UBE2R2: variants seen among roughly 807,000 people sequenced by gnomAD.
UBE2R2 encodes the protein ubiquitin-conjugating enzyme E2 R2.
A neutral mutation model predicts 27.8 loss-of-function variants in UBE2R2; 1 was observed. The observed-to-expected ratio is 0.04, with a 90% CI of 0.01 to 0.17. The LOEUF is 0.17. Among genes scored for constraint, UBE2R2 ranks in the 10% least tolerant of loss-of-function variants. UBE2R2 has a pLI of 1.00. For missense variants in UBE2R2, 100 were observed against 291.0 expected, an observed-to-expected ratio of 0.34 and a Z score of 4.78; for synonymous variants, 106 against 113.3, an observed-to-expected ratio of 0.94 and a Z score of 0.41.
In UBE2R2 at chr9:33,844,911, C is replaced by T. The variant is rs537530712; in HGVS notation, c.177+26977C>T. ...CCTCCGGAGTAGCTGGGATTACAGG[C>T]GTGTGCCACCACGCCTGGATAATTT... On this transcript the variant is annotated intron_variant, in intron 1 of 4. Coordinates refer to ENST00000263228, the MANE Select transcript of UBE2R2 (RefSeq NM_017811.4). Among the ~76,000 whole-genome samples the T allele has an allele frequency of 2.0e-5, 3 of 151,818 alleles. No individual in the cohort carries two copies. The South Asian group carries it at 6.3e-4, about 32-fold the overall frequency.
At chr9:33,845,499 C>T (rs576797377) in intron 1 of UBE2R2, among the ~76,000 whole-genome samples, 1 of 152,002 alleles carries the variant, frequency 6.6e-6, no homozygotes, top group Admixed American at 6.6e-5. Context: ...CTGCCCACCT[C>T]GGCCTCCCAA....
chr9:33,843,247 C>T lies in UBE2R2; in HGVS notation c.177+25313C>T, dbSNP rs573862089. Among the ~76,000 whole-genome samples the T allele has an allele frequency of 5.9e-5, 9 of 151,570 alleles. No homozygotes were observed. In the East Asian group the frequency reaches 1.5e-3, roughly 26 times the overall value. On this transcript the variant is annotated intron_variant, in intron 1 of 4. Coordinates refer to ENST00000263228, the MANE Select transcript of UBE2R2 (RefSeq NM_017811.4). ...TATTTTTAGTAGAGATGGGGTTTCA[C>T]CATGTTGGCCAGGCTGGTCTCGAAC... is the stretch of plus-strand genomic sequence containing the variant.
intron 1 of UBE2R2, among the ~76,000 whole-genome samples, chr9:33,871,000 T>A (rs1474572428): frequency 1.3e-5 from 2 of 152,238 alleles, no homozygotes; most frequent in Non-Finnish European, 2.9e-5. Flanking sequence ...TGCTCACATG[T>A]GTAAGCCTTT....
chr9:33,839,081 CAAAAA>C (rs71943200), intron 1 of UBE2R2, among the ~76,000 whole-genome samples: 1 of 128,278 alleles, frequency 7.8e-6, no homozygotes, highest in Admixed American at 8.2e-5. Flanking sequence ...GGCACTGTCT[CAAAAA>C]AAAAAAAAAA....
intron 1 of UBE2R2, among the ~76,000 whole-genome samples, chr9:33,867,104 A>C (rs1405752633): frequency 6.6e-6 from 1 of 152,088 alleles, no homozygotes; most frequent in African/African-American, 2.4e-5. Flanking sequence ...TCACCATTTC[A>C]GTCTCAATCT....
chr9:33,826,446 C>T (rs1162391829), intron 1 of UBE2R2, among the ~76,000 whole-genome samples: 1 of 152,050 alleles, frequency 6.6e-6, no homozygotes, highest in Non-Finnish European at 1.5e-5. Context: ...CGCCTGTAAC[C>T]CCAGCACTTT....
At chr9:33,834,446 A>G (rs13287697) in intron 1 of UBE2R2, among the ~76,000 whole-genome samples, 2 of 151,708 alleles carry the variant, frequency 1.3e-5, no homozygotes, top group Non-Finnish European at 1.5e-5. Context: ...TCCTGACCTT[A>G]GGTGATCTGC....
At chr9:33,872,213 G>T (rs994845063) in intron 1 of UBE2R2, among the ~76,000 whole-genome samples, 1 of 151,330 alleles carries the variant, frequency 6.6e-6, no homozygotes, top group Admixed American at 6.6e-5. Context: ...GGGGAACATG[G>T]GGAACTATCT....
At chr9:33,909,501 A>G (rs1822439752) in intron 3 of UBE2R2, among the ~76,000 whole-genome samples, 1 of 152,188 alleles carries the variant, frequency 6.6e-6, no homozygotes, top group South Asian at 2.1e-4. Context: ...ATCAATAAAT[A>G]AAAATTTAAA....
intron 1 of UBE2R2, among the ~76,000 whole-genome samples, chr9:33,856,197 T>TC (rs552942118): frequency 1.0e-3 from 155 of 152,294 alleles, no homozygotes; most frequent in African/African-American, 3.6e-3. Context: ...ATGCTTTTTT[T>TC]CACCCTTCCC....
intron 1 of UBE2R2, among the ~76,000 whole-genome samples, chr9:33,847,122 G>T (rs1367992751): frequency 1.3e-5 from 2 of 150,938 alleles, no homozygotes; most frequent in Admixed American, 6.7e-5. Context: ...ATTTGAGACA[G>T]AGTATCACTC....
intron 1 of UBE2R2, among the ~76,000 whole-genome samples, chr9:33,852,901 G>C (rs924310379): frequency 6.6e-6 from 1 of 152,082 alleles, no homozygotes; most frequent in African/African-American, 2.4e-5. Flanking sequence ...CCAGCTACTT[G>C]GGTGACTGAG....
intron 1 of UBE2R2, among the ~76,000 whole-genome samples, chr9:33,831,662 T>G (rs1454776970): frequency 1.3e-5 from 2 of 151,882 alleles, no homozygotes; most frequent in African/African-American, 4.8e-5. Flanking sequence ...TTATTTTATT[T>G]TATTTGTTTG....
chr9:33,865,192 C>CTA (rs199886952), intron 1 of UBE2R2, among the ~76,000 whole-genome samples: 3 of 151,058 alleles, frequency 2.0e-5, no homozygotes, highest in Admixed American at 6.6e-5. Context: ...CTGTCTCTCT[C>CTA]TCTATCTATC....
At chr9:33,899,563 C>T (rs549240884) in intron 2 of UBE2R2, among the ~76,000 whole-genome samples, 4 of 152,260 alleles carry the variant, frequency 2.6e-5, no homozygotes, top group Admixed American at 6.5e-5. Context: ...TTAGTAGAGA[C>T]GGGGTTTCAC....
At chr9:33,894,788 T>C (rs1822065787) in intron 2 of UBE2R2, among the ~76,000 whole-genome samples, 1 of 152,198 alleles carries the variant, frequency 6.6e-6, no homozygotes, top group Non-Finnish European at 1.5e-5. Flanking sequence ...TCCCAGGTAC[T>C]TGGGAGGCTG....
intron 3 of UBE2R2, among the ~76,000 whole-genome samples, chr9:33,905,698 A>G (rs1457712903): frequency 6.6e-6 from 1 of 152,200 alleles, no homozygotes; most frequent in African/African-American, 2.4e-5. Flanking sequence ...TGTTTTCCCT[A>G]TCATAACAGG....
In UBE2R2 at chr9:33,917,419, G is replaced by GGGTTACTCTCTCTCCATTAA; in HGVS notation, c.*182_*183insGGTTACTCTCTCTCCATTAA. On this transcript the variant is annotated 3_prime_UTR_variant, in exon 5 of 5. Coordinates refer to ENST00000263228, the MANE Select transcript of UBE2R2 (RefSeq NM_017811.4). ...CTCCTTTTTATGGACCTTTAATGGA[G>GGGTTACTCTCTCTCCATTAA]AGAGAGTAACCCTCCACAGAATGTC... 2.5e-6 allele frequency: 2 copies of GGGTTACTCTCTCTCCATTAA among 805,152 alleles called. No homozygotes were observed. Among genetic ancestry groups the GGGTTACTCTCTCTCCATTAA allele is most frequent in the Non-Finnish European group, 3.8e-6 (2 of 522,376 alleles). 49.9% of individuals were successfully genotyped at this position (805,152 alleles called of 1,614,324 possible).
chr9:33,887,060 G>A (rs900492148), intron 2 of UBE2R2, 93 bp downstream of exon 2: 4 of 983,854 alleles, frequency 4.1e-6, no homozygotes, highest in Admixed American at 5.7e-5. Context: ...TGATACTTAG[G>A]CTTTTGTAGC....
Sources: gnomAD v4.1 joint callset for allele counts (sites outside exome capture counted in the v4.1 genomes callset) on GRCh38, gnomAD v4.1.1 for gene constraint, MANE v1.5 for transcripts, NCBI Gene and HGNC (gene_info 2026-07-23, HGNC 2026-07-21) for gene names.